The following TMEM272 variants were observed in gnomAD, a reference collection of about 807,000 sequenced individuals.
TMEM272 encodes the protein long intergenic non-protein coding RNA 282.
TMEM272 carries 8 observed loss-of-function variants against 3.7 expected under a neutral mutation model. The observed-to-expected ratio is 2.17, with a 90% CI of 1.27 to 3.91. The LOEUF is 3.91. Ranked by LOEUF, TMEM272 falls within the 30% of genes most tolerant of loss-of-function variation. The pLI, the probability that TMEM272 is intolerant of heterozygous loss-of-function variation, is 0.00. For missense variants in TMEM272, 166 were observed against 91.5 expected (o/e 1.81, Z -3.32); for synonymous variants, 63 against 39.8 (o/e 1.58, Z -2.20).
chr13:51,825,902 C>G (rs1956120984), intron 3 of TMEM272, among the ~76,000 whole-genome samples: 1 of 152,028 alleles, frequency 6.6e-6, no homozygotes. Flanking sequence ...AGCCACCATG[C>G]CCAGCCATGC....
At chr13:51,883,843 TG>T in the TMEM272 span, among the ~76,000 whole-genome samples, 1 of 152,216 alleles carries the variant, frequency 6.6e-6, no homozygotes, top group African/African-American at 2.4e-5. Flanking sequence ...CAAGTGCACT[TG>T]TGAGTTCTCC....
the TMEM272 span, among the ~76,000 whole-genome samples, chr13:51,900,993 G>A: frequency 6.6e-6 from 1 of 152,232 alleles, no homozygotes; most frequent in African/African-American, 2.4e-5. Context: ...ACAGAGTTTT[G>A]TGGGAGAGAA....
the TMEM272 span, among the ~76,000 whole-genome samples, chr13:51,907,954 T>C: frequency 2.6e-4 from 40 of 152,306 alleles, no homozygotes; most frequent in Admixed American, 2.2e-3. Flanking sequence ...AGATTACATA[T>C]ATAAAACTCC....
chr13:51,865,318 T>A, the TMEM272 span: 111 of 1,397,662 alleles, frequency 7.9e-5, no homozygotes, highest in Non-Finnish European at 1.1e-4. Flanking sequence ...CTGTCTTTTC[T>A]GCTGCCCCCA....
At chr13:51,888,664 G>C in the TMEM272 span, among the ~76,000 whole-genome samples, 1 of 61,096 alleles carries the variant, frequency 1.6e-5, no homozygotes, top group Non-Finnish European at 3.1e-5. Flanking sequence ...TTTTTTTTTT[G>C]AGATGGAGTC....
chr13:51,893,007 T>C, the TMEM272 span, among the ~76,000 whole-genome samples: 2 of 152,354 alleles, frequency 1.3e-5, no homozygotes, highest in Admixed American at 1.3e-4. Context: ...TTGGCTAATT[T>C]GTTCAGCTCT....
the TMEM272 span, among the ~76,000 whole-genome samples, chr13:51,864,946 A>G: frequency 6.6e-6 from 1 of 152,210 alleles, no homozygotes. Context: ...GGACATTCAC[A>G]CGTGAGCATG....
At chr13:51,863,840 G>A in the TMEM272 span, among the ~76,000 whole-genome samples, 1 of 152,160 alleles carries the variant, frequency 6.6e-6, no homozygotes, top group East Asian at 1.9e-4. Flanking sequence ...CTGAGTGAGG[G>A]CCGGACCCTG....
the TMEM272 span, among the ~76,000 whole-genome samples, chr13:51,875,808 A>G: frequency 0.017 from 2,532 of 152,248 alleles, 75 homozygotes; most frequent in African/African-American, 0.058. Context: ...AACCACCCAG[A>G]CATACCTTAC....
the TMEM272 span, chr13:51,909,592 T>C: frequency 7.3e-6 from 9 of 1,229,144 alleles, no homozygotes; most frequent in East Asian, 2.1e-4. Flanking sequence ...CTTGGTTTTA[T>C]CAACTTCAGA....
At chr13:51,897,362 A>ATTTTTTTTT in the TMEM272 span, among the ~76,000 whole-genome samples, 92 of 82,438 alleles carry the variant, frequency 1.1e-3, 6 homozygotes, top group East Asian at 1.7e-3. Flanking sequence ...TGTCTGGCTA[A>ATTTTTTTTT]TTTTTTTTTT....
At position 51,816,490 on chromosome 13, in the gene TMEM272, A is replaced by G; in HGVS notation, c.*261T>C. 2.6e-6 allele frequency: 1 copy of G among 385,752 alleles called. No homozygotes were observed. The highest frequency in any genetic ancestry group is 4.7e-6 in the Non-Finnish European group (1 of 212,712). The allele number at this position is 385,752 out of a possible 1,614,324, so 23.9% of individuals were successfully genotyped here. A position where few individuals can be genotyped will look rare whatever the true frequency, so the allele number is the denominator to read the frequency against. ...CTCAAAAACAATTATCCCTTTGAAAACTCTTGTGAGAACAAAATTCCCACT... is the reference window on the plus strand; with the variant it reads ...CTCAAAAACAATTATCCCTTTGAAAGCTCTTGTGAGAACAAAATTCCCACT... On this transcript the variant is annotated 3_prime_UTR_variant, in exon 5 of 5. Transcript: ENST00000629372.
At chr13:51,831,757 G>A (rs1168758936) in intron 2 of TMEM272, among the ~76,000 whole-genome samples, 3 of 152,214 alleles carry the variant, frequency 2.0e-5, no homozygotes, top group African/African-American at 4.8e-5. Flanking sequence ...TGGTGATGCC[G>A]CTGTTGCGAT....
the TMEM272 span, among the ~76,000 whole-genome samples, chr13:51,883,821 GC>G: frequency 1.3e-5 from 2 of 152,210 alleles, no homozygotes; most frequent in East Asian, 3.9e-4. Context: ...CCTACACCTG[GC>G]TTGTGTTTGC....
the TMEM272 span, chr13:51,930,491 T>C: frequency 2.6e-5 from 4 of 152,140 alleles, no homozygotes; most frequent in Admixed American, 6.6e-5. Context: ...ATGAAGAAAA[T>C]AGAGCAGTTT....
At chr13:51,909,184 G>A in the TMEM272 span, 1 of 1,358,720 alleles carries the variant, frequency 7.4e-7, no homozygotes, top group Non-Finnish European at 1.0e-6. Context: ...TGTCTTTTGT[G>A]AGCATTTTCT....
Position 51,826,637 on chromosome 13 carries a change from A to T in TMEM272, c.59-12T>A. ...AACAACGAAGCAGGCTGCAAGGAGA[A>T]GAAGGGGCAGGCACTGGGTTAGAAA... On this transcript the variant is annotated splice_polypyrimidine_tract_variant and intron_variant, in intron 2 of 4. Transcript: ENST00000629372. 1 of 702,554 alleles carries T rather than the reference A, an allele frequency of 1.4e-6. No homozygotes were observed. Among genetic ancestry groups the T allele is most frequent in the Non-Finnish European group, 2.6e-6 (1 of 384,988 alleles). The allele number at this position is 702,554 out of a possible 1,614,324, so 43.5% of individuals were successfully genotyped here. A position where few individuals can be genotyped will look rare whatever the true frequency, so the allele number is the denominator to read the frequency against.
the TMEM272 span, among the ~76,000 whole-genome samples, chr13:51,861,655 A>G: frequency 1.6e-3 from 251 of 152,354 alleles, no homozygotes; most frequent in Middle Eastern, 3.4e-3. Context: ...CCCTAGAAGG[A>G]GAGGAGACAG....
the TMEM272 span, chr13:51,908,120 T>C: frequency 8.2e-6 from 4 of 488,176 alleles, no homozygotes; most frequent in Admixed American, 7.0e-5. Flanking sequence ...TTGTTTCAAT[T>C]TGAGCAAAAG....
Sources: allele counts gnomAD v4.1 joint callset (sites outside exome capture counted in the v4.1 genomes callset), GRCh38; gene constraint gnomAD v4.1.1; transcripts MANE v1.5; gene names NCBI Gene and HGNC (gene_info 2026-07-23, HGNC 2026-07-21).